Variants in IMMP2L observed in about 807,000 individuals in gnomAD.
The protein encoded by IMMP2L is inner mitochondrial membrane peptidase subunit 2, also known as mitochondrial inner membrane protease subunit 2.
In IMMP2L, 18 loss-of-function variants were observed where a neutral mutation model predicts 19.3. That is an observed-to-expected ratio of 0.93 (90% CI 0.64 to 1.38). The LOEUF is 1.38. IMMP2L is among the 40% of genes most tolerant of loss of function. The probability of loss-of-function intolerance (pLI) is 0.00; values close to 1 mark genes in which losing one functional copy is unlikely to be tolerated. For missense variants in IMMP2L, 233 were observed against 218.2 expected (o/e 1.07, Z -0.43); for synonymous variants, 76 against 73.0 (o/e 1.04, Z -0.21).
At chr7:111,539,162 A>T (rs1848187220) in intron 1 of IMMP2L, among the ~76,000 whole-genome samples, 1 of 57,032 alleles carries the variant, frequency 1.8e-5, no homozygotes, top group Non-Finnish European at 3.3e-5. Context: ...GAAGGAAGGA[A>T]GGAAGGAAGG....
intron 1 of IMMP2L, among the ~76,000 whole-genome samples, chr7:111,539,168 GA>G (rs1848192084): frequency 2.6e-5 from 2 of 76,986 alleles, no homozygotes; most frequent in African/African-American, 1.1e-4. Context: ...AGGAAGGAAG[GA>G]AGGAAGGAAG....
At chr7:111,162,056 G>C (rs147801777) in intron 3 of IMMP2L, among the ~76,000 whole-genome samples, 256 of 152,214 alleles carry the variant, frequency 1.7e-3, no homozygotes, top group Middle Eastern at 3.4e-3. Flanking sequence ...ATGACGGTCT[G>C]CTCTGGTTAA....
At chr7:111,519,921 C>T (rs1184118173) in intron 2 of IMMP2L, among the ~76,000 whole-genome samples, 4 of 152,036 alleles carry the variant, frequency 2.6e-5, no homozygotes, top group Non-Finnish European at 4.4e-5. Context: ...AAGATACATG[C>T]TTGTGAATGG....
intron 5 of IMMP2L, among the ~76,000 whole-genome samples, chr7:110,779,554 T>C (rs1799604192): frequency 6.6e-6 from 1 of 151,924 alleles, no homozygotes; most frequent in Non-Finnish European, 1.5e-5. Context: ...TAGCTAGTTC[T>C]TAAACTCCAA....
intron 5 of IMMP2L, among the ~76,000 whole-genome samples, chr7:110,873,026 G>T (rs962487187): frequency 1.8e-4 from 28 of 152,248 alleles, no homozygotes; most frequent in Admixed American, 1.8e-3. Flanking sequence ...TGTGATATTT[G>T]GGGGGAGCCC....
At chr7:110,754,544 A>G (rs1797926026) in intron 5 of IMMP2L, among the ~76,000 whole-genome samples, 1 of 152,094 alleles carries the variant, frequency 6.6e-6, no homozygotes, top group South Asian at 2.1e-4. Context: ...AATAGTTTAT[A>G]GAAAATGAAA....
At chr7:111,268,487 T>TAAA (rs927826185) in intron 3 of IMMP2L, among the ~76,000 whole-genome samples, 10 of 62,364 alleles carry the variant, frequency 1.6e-4, no homozygotes, top group African/African-American at 5.7e-4. Flanking sequence ...GTTTATCTAA[T>TAAA]AAAAAAAAAA....
chr7:110,686,379 A>G (rs77327055), intron 5 of IMMP2L, among the ~76,000 whole-genome samples: 2,693 of 151,722 alleles, frequency 0.018, 79 homozygotes, highest in African/African-American at 0.062. Context: ...ACTCATCCAC[A>G]CCATAGTTTC....
chr7:111,547,367 G>C (rs964122270), intron 1 of IMMP2L, among the ~76,000 whole-genome samples: 6 of 151,944 alleles, frequency 3.9e-5, no homozygotes, highest in African/African-American at 1.5e-4. Context: ...TTAAAGATGA[G>C]ACCTCTAATA....
chr7:111,069,201 T>G (rs1483603557), intron 3 of IMMP2L, among the ~76,000 whole-genome samples: 1 of 152,228 alleles, frequency 6.6e-6, no homozygotes, highest in East Asian at 1.9e-4. Context: ...CTTGTTTTAC[T>G]GGTGATGACT....
intron 3 of IMMP2L, among the ~76,000 whole-genome samples, chr7:111,452,894 T>C (rs1181514767): frequency 2.0e-5 from 3 of 152,200 alleles, no homozygotes; most frequent in African/African-American, 7.2e-5. Flanking sequence ...ATTATGTCAC[T>C]TGTTGCTAGA....
At chr7:111,559,696 C>A (rs886351579) in intron 1 of IMMP2L, among the ~76,000 whole-genome samples, 1 of 152,062 alleles carries the variant, frequency 6.6e-6, no homozygotes, top group Admixed American at 6.6e-5. Flanking sequence ...TAATGGGTGA[C>A]CACATAGAAA....
In IMMP2L at chr7:111,222,360, C is replaced by CA. The variant is rs201591030; in HGVS notation, c.240-258796dup. ...CCACATAGAAATTAAAATTTTTGTACAAAAAAAACACATGAGCAAAATTAA... is the reference window on the plus strand; with the variant it reads ...CCACATAGAAATTAAAATTTTTGTACAAAAAAAAACACATGAGCAAAATTAA... On this transcript the variant is annotated intron_variant, in intron 3 of 5. Coordinates refer to ENST00000405709, the MANE Select transcript of IMMP2L (RefSeq NM_032549.4). 1.1e-3 allele frequency among the ~76,000 whole-genome samples: 172 copies of CA among 150,582 alleles called. 1 individual carries two copies. Among genetic ancestry groups the CA allele is most frequent in the Non-Finnish European group, 3.4e-4 (23 of 67,564 alleles).
intron 3 of IMMP2L, among the ~76,000 whole-genome samples, chr7:111,472,761 G>A (rs1841377552): frequency 6.6e-6 from 1 of 152,078 alleles, no homozygotes; most frequent in Admixed American, 6.6e-5. Context: ...AATAACTGTT[G>A]TAGTCATGGT....
intron 1 of IMMP2L, among the ~76,000 whole-genome samples, chr7:111,557,829 T>C (rs926766649): frequency 3.3e-5 from 5 of 151,762 alleles, no homozygotes; most frequent in Non-Finnish European, 7.4e-5. Flanking sequence ...CAGATAGATA[T>C]ACTAAAAAAA....
chr7:111,498,744 T>C (rs1843843307), intron 2 of IMMP2L, among the ~76,000 whole-genome samples: 1 of 152,290 alleles, frequency 6.6e-6, no homozygotes, highest in South Asian at 2.1e-4. Context: ...TTAGATCCTT[T>C]AGTTCTTCAT....
At chr7:110,936,233 A>T (rs1414533800) in intron 4 of IMMP2L, among the ~76,000 whole-genome samples, 10 of 152,226 alleles carry the variant, frequency 6.6e-5, no homozygotes, top group African/African-American at 2.4e-4. Flanking sequence ...TCTGCACAGC[A>T]AAAGAAACTA....
At chr7:110,959,409 T>TA (rs1309256792) in intron 4 of IMMP2L, among the ~76,000 whole-genome samples, 4 of 151,946 alleles carry the variant, frequency 2.6e-5, no homozygotes, top group South Asian at 2.1e-4. Context: ...TCTGGCATTT[T>TA]AAAAAAATTG....
chr7:110,764,449 A>C (rs1798537253), intron 5 of IMMP2L, among the ~76,000 whole-genome samples: 1 of 152,134 alleles, frequency 6.6e-6, no homozygotes, highest in South Asian at 2.1e-4. Flanking sequence ...TTCAGCCAAA[A>C]ATAAAGTGAA....
Sources: allele counts gnomAD v4.1 joint callset (sites outside exome capture counted in the v4.1 genomes callset), GRCh38; gene constraint gnomAD v4.1.1; transcripts MANE v1.5; gene names NCBI Gene and HGNC (gene_info 2026-07-23, HGNC 2026-07-21).